The following ERBB4 variants were observed in gnomAD, a reference collection of about 807,000 sequenced individuals.
The protein encoded by ERBB4 is erb-b2 receptor tyrosine kinase 4.
ERBB4 carries 42 observed loss-of-function variants against 158.0 expected under a neutral mutation model. The ratio of observed to expected loss-of-function variants is 0.27; its 90% CI spans 0.21 to 0.34. The LOEUF (loss-of-function observed/expected upper bound fraction) is 0.34. Ranked by LOEUF, ERBB4 falls within the 10% of genes least tolerant of loss-of-function variation. ERBB4 has a pLI of 1.00. For missense variants in ERBB4, 1,333 were observed against 1,624.1 expected (o/e 0.82, Z 3.08); for synonymous variants, 583 against 558.7 (o/e 1.04, Z -0.61).
intron 1 of ERBB4, among the ~76,000 whole-genome samples, chr2:212,392,761 A>G (rs1014488856): frequency 6.6e-6 from 1 of 152,016 alleles, no homozygotes; most frequent in African/African-American, 2.4e-5. Context: ...TGCTTGCATT[A>G]TAAGTGTTTT....
chr2:211,944,191 A>AGTGTG lies in ERBB4; in HGVS notation c.421+3238_421+3239insCACAC, dbSNP rs375372700. Among the ~76,000 whole-genome samples the AGTGTG allele has an allele frequency of 8.1e-5, 7 of 86,146 alleles. No homozygotes were observed. In the East Asian group the frequency reaches 1.5e-3, roughly 19 times the overall value. The allele number at this position is 86,146 out of a possible 152,430, so 56.5% of individuals were successfully genotyped here. A position where few individuals can be genotyped will look rare whatever the true frequency, so the allele number is the denominator to read the frequency against. On this transcript the variant is annotated intron_variant, in intron 3 of 27. Coordinates refer to ENST00000342788, the MANE Select transcript of ERBB4 (RefSeq NM_005235.3). ...ATATATATATACTATATATATATAT[A>AGTGTG]TATATATACTATATATATATATACA...
chr2:211,983,340 G>A (rs1214803381), intron 2 of ERBB4, among the ~76,000 whole-genome samples: 3 of 152,150 alleles, frequency 2.0e-5, no homozygotes, highest in African/African-American at 7.2e-5. Flanking sequence ...AAGGCTGGTT[G>A]ACTCTCACAT....
intron 19 of ERBB4, among the ~76,000 whole-genome samples, chr2:211,594,013 T>C (rs1452433506): frequency 1.3e-5 from 2 of 152,170 alleles, no homozygotes; most frequent in East Asian, 3.8e-4. Context: ...TGTCCAATCC[T>C]ACTTCCTACT....
chr2:211,559,426 T>C (rs1171555682), intron 20 of ERBB4, among the ~76,000 whole-genome samples: 1 of 152,224 alleles, frequency 6.6e-6, no homozygotes, highest in African/African-American at 2.4e-5. Flanking sequence ...AACCATATAA[T>C]ATGTTCTGTT....
At chr2:211,406,924 T>C (rs1013707292) in intron 25 of ERBB4, among the ~76,000 whole-genome samples, 14 of 151,426 alleles carry the variant, frequency 9.2e-5, no homozygotes, top group Admixed American at 5.9e-4. Context: ...CAACAAAAAA[T>C]AAAAAATTAG....
chr2:212,044,620 A>C (rs1214880453), intron 2 of ERBB4, among the ~76,000 whole-genome samples: 1 of 152,154 alleles, frequency 6.6e-6, no homozygotes, highest in Non-Finnish European at 1.5e-5. Context: ...CATTCTGAAG[A>C]CTGTATAAAT....
chr2:212,147,638 C>T (rs1255137541), intron 1 of ERBB4, among the ~76,000 whole-genome samples: 1 of 152,130 alleles, frequency 6.6e-6, no homozygotes, highest in Admixed American at 6.5e-5. Context: ...GAAGCATCTT[C>T]TCAGCAGAAT....
intron 4 of ERBB4, among the ~76,000 whole-genome samples, chr2:211,784,525 C>T (rs1322901236): frequency 2.6e-5 from 4 of 152,078 alleles, no homozygotes; most frequent in African/African-American, 9.7e-5. Flanking sequence ...TGGGTTGCTT[C>T]CACCTCTCAG....
chr2:211,881,991 G>A (rs1305770330), intron 3 of ERBB4, among the ~76,000 whole-genome samples: 2 of 152,120 alleles, frequency 1.3e-5, no homozygotes, highest in African/African-American at 4.8e-5. Context: ...CTATTAGAGT[G>A]TTTCTGAGAA....
chr2:211,666,554 A>G (rs1045219092), intron 14 of ERBB4, among the ~76,000 whole-genome samples: 1 of 152,230 alleles, frequency 6.6e-6, no homozygotes, highest in African/African-American at 2.4e-5. Context: ...TGGAAAGCAT[A>G]CTAGAAATGG....
At chr2:211,544,391 T>A (rs1305817562) in intron 20 of ERBB4, among the ~76,000 whole-genome samples, 2 of 151,996 alleles carry the variant, frequency 1.3e-5, no homozygotes, top group Non-Finnish European at 2.9e-5. Flanking sequence ...ATGGGTACCA[T>A]CAATCTGAGT....
intron 1 of ERBB4, among the ~76,000 whole-genome samples, chr2:212,399,545 C>CATATATATATAT (rs869111881): frequency 1.5e-3 from 58 of 38,042 alleles, no homozygotes; most frequent in Non-Finnish European, 2.2e-3. Flanking sequence ...TTTATATATA[C>CATATATATATAT]ATATATATAT....
intron 20 of ERBB4, among the ~76,000 whole-genome samples, chr2:211,553,670 C>T (rs2067162890): frequency 6.6e-6 from 1 of 152,118 alleles, no homozygotes; most frequent in African/African-American, 2.4e-5. Context: ...AATTACCCTA[C>T]AAAATAGGTA....
At chr2:211,863,162 T>C (rs149780438) in intron 3 of ERBB4, among the ~76,000 whole-genome samples, 6,838 of 148,560 alleles carry the variant, frequency 0.046, 268 homozygotes, top group Middle Eastern at 0.069. Flanking sequence ...AGCTAAAGGA[T>C]TGTAAACACA....
At chr2:211,436,464 G>A (rs528467068) in intron 20 of ERBB4, among the ~76,000 whole-genome samples, 16 of 152,142 alleles carry the variant, frequency 1.1e-4, no homozygotes, top group Admixed American at 7.8e-4. Context: ...TCCTCTCCTC[G>A]TCTCTAAATG....
chr2:212,061,453 CAAAAAAAAAAAAAAAAAAAA>C (rs754237880), intron 2 of ERBB4, among the ~76,000 whole-genome samples: 3 of 22,808 alleles, frequency 1.3e-4, no homozygotes, highest in East Asian at 2.8e-3. Flanking sequence ...ACTCTGTCTC[CAAAAAAAAAAAAAAAAAAAA>C]AAAAAAAAAA....
At chr2:211,732,430 A>C (rs1273930779) in intron 5 of ERBB4, among the ~76,000 whole-genome samples, 1 of 152,168 alleles carries the variant, frequency 6.6e-6, no homozygotes, top group Non-Finnish European at 1.5e-5. Flanking sequence ...GACCACAATC[A>C]TACACATTTT....
chr2:212,460,726 A>G (rs991162120), intron 1 of ERBB4, among the ~76,000 whole-genome samples: 2 of 152,212 alleles, frequency 1.3e-5, no homozygotes, highest in African/African-American at 4.8e-5. Context: ...AAAATTTCCA[A>G]CTGGACAATG....
At chr2:212,027,175 C>T (rs760279563) in intron 2 of ERBB4, among the ~76,000 whole-genome samples, 1 of 151,856 alleles carries the variant, frequency 6.6e-6, no homozygotes, top group African/African-American at 2.4e-5. Context: ...CATGTAAAAA[C>T]CAAGCTGAGG....
Sources: gnomAD v4.1 joint callset for allele counts (sites outside exome capture counted in the v4.1 genomes callset) on GRCh38, gnomAD v4.1.1 for gene constraint, MANE v1.5 for transcripts, NCBI Gene and HGNC (gene_info 2026-07-23, HGNC 2026-07-21) for gene names.